The following LRGUK variants were observed in gnomAD, a reference collection of about 807,000 sequenced individuals.
LRGUK encodes the protein leucine-rich repeat and guanylate kinase domain-containing protein.
A neutral mutation model predicts 76.0 loss-of-function variants in LRGUK; 65 were observed. That is an observed-to-expected ratio of 0.85 (90% CI 0.70 to 1.05). The LOEUF (loss-of-function observed/expected upper bound fraction) is 1.05. Among genes scored for constraint, LRGUK ranks in the 50% least tolerant of loss-of-function variants. The pLI is 0.00. For missense variants in LRGUK, 758 were observed against 732.8 expected (o/e 1.03, Z -0.40); for synonymous variants, 268 against 265.6 (o/e 1.01, Z -0.09).
intron 16 of LRGUK, among the ~76,000 whole-genome samples, chr7:134,243,988 T>A (rs1465299643): frequency 6.6e-6 from 1 of 152,222 alleles, no homozygotes; most frequent in African/African-American, 2.4e-5. Context: ...CTGGGAAAAC[T>A]GGCTAGCCAT....
intron 4 of LRGUK, among the ~76,000 whole-genome samples, chr7:134,145,129 T>C (rs1171765026): frequency 6.6e-6 from 1 of 152,160 alleles, no homozygotes; most frequent in Non-Finnish European, 1.5e-5. Flanking sequence ...ATATTGGTCA[T>C]TTTAGAGAAG....
chr7:134,265,552 A>G (rs1275019248), downstream of LRGUK, among the ~76,000 whole-genome samples: 1 of 152,228 alleles, frequency 6.6e-6, no homozygotes, highest in Non-Finnish European at 1.5e-5. Context: ...GGAAAGGGAC[A>G]GTCTCAAAAG....
intron 7 of LRGUK, among the ~76,000 whole-genome samples, chr7:134,163,877 G>A (rs1798862725): frequency 1.3e-5 from 2 of 151,844 alleles, no homozygotes; most frequent in Non-Finnish European, 1.5e-5. Flanking sequence ...AGAGTAAGGA[G>A]GTTGGAGATA....
At chr7:134,138,787 T>A (rs1434040132) in intron 2 of LRGUK, among the ~76,000 whole-genome samples, 1 of 152,162 alleles carries the variant, frequency 6.6e-6, no homozygotes, top group Non-Finnish European at 1.5e-5. Context: ...AGAATCAAGA[T>A]ATCCTGGAAA....
chr7:134,221,761 A>T lies in LRGUK; in HGVS notation c.1844-18A>T, dbSNP rs202220879. 8 of 1,450,394 alleles carry T rather than the reference A, an allele frequency of 5.5e-6. No individual in the cohort carries two copies. Among genetic ancestry groups the T allele is most frequent in the South Asian group, 1.6e-5 (1 of 63,778 alleles). 89.8% of individuals were successfully genotyped at this position (1,450,394 alleles called of 1,614,324 possible). On this transcript the variant is annotated intron_variant, in intron 15 of 19. Coordinates refer to the LRGUK transcript ENST00000285928. ...CTTTATGACTTTTATTTTAAACTTT[A>T]TTTTTTTTTCCTACCAGATGTTAAG...
chr7:134,268,912 T>C (rs1467161558), downstream of LRGUK, among the ~76,000 whole-genome samples: 2 of 151,672 alleles, frequency 1.3e-5, no homozygotes, highest in Non-Finnish European at 2.9e-5. Context: ...TTTGTATTTT[T>C]AGTAGAGACA....
intron 19 of LRGUK, among the ~76,000 whole-genome samples, chr7:134,261,163 T>C (rs1440139520): frequency 6.6e-6 from 1 of 152,188 alleles, no homozygotes; most frequent in Non-Finnish European, 1.5e-5. Flanking sequence ...GAGTCTGCCA[T>C]TTTGCTGATA....
At chr7:134,207,889 C>T (rs1801073927) in intron 15 of LRGUK, among the ~76,000 whole-genome samples, 1 of 152,198 alleles carries the variant, frequency 6.6e-6, no homozygotes, top group East Asian at 1.9e-4. Flanking sequence ...TGAACAAGCG[C>T]TCACTGAACA....
chr7:134,244,970 C>G (rs142935679), intron 16 of LRGUK, among the ~76,000 whole-genome samples: 1,767 of 147,248 alleles, frequency 0.012, 14 homozygotes, highest in Non-Finnish European at 0.017. Flanking sequence ...TCAAACACCA[C>G]ATGTTCTCAC....
At chr7:134,166,709 G>A (rs1007588781) in intron 7 of LRGUK, among the ~76,000 whole-genome samples, 10 of 152,106 alleles carry the variant, frequency 6.6e-5, no homozygotes, top group Non-Finnish European at 1.5e-4. Flanking sequence ...GAATGCTGAC[G>A]GAGACAATGG....
At position 134,176,965 on chromosome 7, in the gene LRGUK, T is replaced by C. The variant is rs1799506981; in HGVS notation, c.1021-12T>C. On this transcript the variant is annotated splice_polypyrimidine_tract_variant and intron_variant, in intron 8 of 15. Transcript: ENST00000645682. ...GAAGGCAACTGAACAGTCCTCTTGA[T>C]ATTTTAAATAGGAAAAGTCTGAATA... 2 of 1,524,790 alleles carry C rather than the reference T, an allele frequency of 1.3e-6. No individual in the cohort carries two copies. Among genetic ancestry groups the C allele is most frequent in the Non-Finnish European group, 1.8e-6 (2 of 1,103,436 alleles). The allele number at this position is 1,524,790 out of a possible 1,614,324, so 94.5% of individuals were successfully genotyped here. A position where few individuals can be genotyped will look rare whatever the true frequency, so the allele number is the denominator to read the frequency against.
intron 9 of LRGUK, among the ~76,000 whole-genome samples, chr7:134,177,344 G>A (rs556898247): frequency 1.7e-4 from 26 of 152,150 alleles, no homozygotes; most frequent in Non-Finnish European, 3.4e-4. Context: ...TATATAGGTC[G>A]CAGCTTTATG....
At chr7:134,265,067 C>T (rs1802832218), downstream of LRGUK, among the ~76,000 whole-genome samples, 1 of 151,924 alleles carries the variant, frequency 6.6e-6, no homozygotes, top group Non-Finnish European at 1.5e-5. Flanking sequence ...GAGGGTGGAG[C>T]GGGGGGACCA....
intron 16 of LRGUK, among the ~76,000 whole-genome samples, chr7:134,234,735 T>A (rs1467660236): frequency 6.6e-6 from 1 of 152,052 alleles, no homozygotes; most frequent in Non-Finnish European, 1.5e-5. Flanking sequence ...CTCAGTTCTT[T>A]GTCCTTCCCT....
chr7:134,138,199 T>C (rs923808612), intron 2 of LRGUK, among the ~76,000 whole-genome samples: 25 of 152,324 alleles, frequency 1.6e-4, no homozygotes, highest in African/African-American at 5.5e-4. Context: ...TTTCAATCAA[T>C]ATTCTACTTC....
At chr7:134,142,946 A>G in intron 3 of LRGUK, 116 bp from the exon 4 acceptor site, 1 of 599,814 alleles carries the variant, frequency 1.7e-6, no homozygotes, top group Non-Finnish European at 3.0e-6. Flanking sequence ...AATAATTAAG[A>G]TGTCTTTGCA....
chr7:134,275,198 A>G, the LRGUK span, among the ~76,000 whole-genome samples: 1 of 152,100 alleles, frequency 6.6e-6, no homozygotes, highest in African/African-American at 2.4e-5. Context: ...CAGTTTATAG[A>G]ATCTCATCTC....
intron 15 of LRGUK, among the ~76,000 whole-genome samples, chr7:134,219,047 A>G (rs1369018531): frequency 6.6e-6 from 1 of 152,222 alleles, no homozygotes; most frequent in Non-Finnish European, 1.5e-5. Context: ...GTGGACTGTA[A>G]AGTAGTTTAT....
At chr7:134,136,178 GGAGTT>G (rs1427293153) in intron 1 of LRGUK, among the ~76,000 whole-genome samples, 1 of 152,160 alleles carries the variant, frequency 6.6e-6, no homozygotes, top group Non-Finnish European at 1.5e-5. Context: ...TGGTCATTAT[GGAGTT>G]GAAGGCAGCA....
Sources: allele counts gnomAD v4.1 joint callset (sites outside exome capture counted in the v4.1 genomes callset), GRCh38; gene constraint gnomAD v4.1.1; transcripts MANE v1.5; gene names NCBI Gene and HGNC (gene_info 2026-07-23, HGNC 2026-07-21).